The following CPLX2 variants were observed in gnomAD, a reference collection of about 807,000 sequenced individuals.
CPLX2 encodes the protein complexin 2.
A neutral mutation model predicts 16.3 loss-of-function variants in CPLX2; 5 were observed. That is an observed-to-expected ratio of 0.31 (90% confidence interval 0.16 to 0.64). CPLX2 has a LOEUF of 0.64. Ranked by LOEUF, CPLX2 falls within the 30% of genes least tolerant of loss-of-function variation. The probability of loss-of-function intolerance (pLI) is 0.79; values close to 1 mark genes in which losing one functional copy is unlikely to be tolerated. For synonymous variants in CPLX2, 89 were observed against 73.2 expected, an observed-to-expected ratio of 1.22 and a Z score of -1.10; for missense variants, 144 against 181.4, an observed-to-expected ratio of 0.79 and a Z score of 1.18.
intron 2 of CPLX2, among the ~76,000 whole-genome samples, chr5:175,836,882 G>A (rs1420318908): frequency 6.6e-6 from 1 of 152,238 alleles, no homozygotes; most frequent in Non-Finnish European, 1.5e-5. Context: ...CCACTTTACA[G>A]ATAAAGAACA....
At position 175,881,277 on chromosome 5, in the gene CPLX2, G is replaced by A. The variant is rs540849456; in HGVS notation, c.*1232G>A. ...ATATGCATATGTGTAGGGCTGGAGC[G>A]TGTGTGTGTCTTGAGATTGTGTGTG... On this transcript the variant is annotated 3_prime_UTR_variant, in exon 4 of 4. Transcript: ENST00000393745. 9.8e-5 allele frequency: 15 copies of A among 153,298 alleles called. No individual in the cohort carries two copies. Among genetic ancestry groups the A allele is most frequent in the Middle Eastern group, 6.6e-3 (2 of 302 alleles). 9.5% of individuals were successfully genotyped at this position (153,298 alleles called of 1,614,324 possible). A position where few individuals can be genotyped will look rare whatever the true frequency, so the allele number is the denominator to read the frequency against.
intron 2 of CPLX2, among the ~76,000 whole-genome samples, chr5:175,857,027 A>C (rs1759271137): frequency 6.6e-6 from 1 of 152,226 alleles, no homozygotes; most frequent in South Asian, 2.1e-4. Context: ...CTAGGGACTC[A>C]TGACAGATTC....
intron 2 of CPLX2, among the ~76,000 whole-genome samples, chr5:175,822,423 T>TA (rs1428110963): frequency 6.6e-6 from 1 of 152,304 alleles, no homozygotes; most frequent in African/African-American, 2.4e-5. Context: ...AACAGCCTCC[T>TA]AGGGCTATTG....
At chr5:175,819,022 G>A (rs948717407) in intron 2 of CPLX2, among the ~76,000 whole-genome samples, 3 of 152,050 alleles carry the variant, frequency 2.0e-5, no homozygotes, top group African/African-American at 4.8e-5. Context: ...ATGAAATCAC[G>A]CCGTGTTGGA....
At chr5:175,871,433 C>CAGAGAGAGAGAGAGAGACAG (rs1759598803), upstream of CPLX2, 1 of 27,516 alleles carries the variant, frequency 3.6e-5, no homozygotes, top group Non-Finnish European at 6.3e-5. Flanking sequence ...GAGAGAGAGA[C>CAGAGAGAGAGAGAGAGACAG]AGAGAGAGAG....
intron 2 of CPLX2, among the ~76,000 whole-genome samples, chr5:175,858,525 C>G (rs1235159939): frequency 6.6e-6 from 1 of 152,184 alleles, no homozygotes; most frequent in Admixed American, 6.5e-5. Flanking sequence ...TGGCTCAGCC[C>G]CCGGGGGCCA....
intron 1 of CPLX2, chr5:175,878,320 T>C (rs1037022641): frequency 2.1e-5 from 4 of 194,846 alleles, no homozygotes; most frequent in Non-Finnish European, 4.2e-5. Flanking sequence ...AATAAGGAAA[T>C]GACGGTGGCG....
In CPLX2 at chr5:175,799,799, T is replaced by A. The variant is rs183688095; in HGVS notation, c.-169+3015T>A. On this transcript the variant is annotated intron_variant, in intron 1 of 4. Transcript: ENST00000359546. ...CCTCTTGTCTCACCTCCCTAAATGC[T>A]GCTGGGATTAAAGGCATGAACCATC... 4.7e-3 allele frequency among the ~76,000 whole-genome samples: 714 copies of A among 151,942 alleles called. 5 individuals carry two copies. The highest frequency in any genetic ancestry group is 0.025 in the South Asian group (121 of 4,782).
At chr5:175,836,358 T>TAAAATA (rs1554119751) in intron 2 of CPLX2, among the ~76,000 whole-genome samples, 1 of 150,752 alleles carries the variant, frequency 6.6e-6, no homozygotes, top group Non-Finnish European at 1.5e-5. Context: ...TCAAAATAAA[T>TAAAATA]AAATAAAATA....
In CPLX2 at chr5:175,836,497, C is replaced by A. The variant is rs182005163; in HGVS notation, c.-89+27429C>A. Among the ~76,000 whole-genome samples, 591 of 152,312 alleles carry A rather than the reference C, an allele frequency of 3.9e-3. 4 individuals are homozygous for A. Among genetic ancestry groups the A allele is most frequent in the African/African-American group, 0.013 (543 of 41,554 alleles). On this transcript the variant is annotated intron_variant, in intron 2 of 4. Coordinates refer to the CPLX2 transcript ENST00000359546. Reference sequence around the variant, plus strand: ...CCACAGGGAGCCAGCTGCCTGCACCCCTCAGCTCTACTCTCCTGGGGTTGT... The same window carrying A: ...CCACAGGGAGCCAGCTGCCTGCACCACTCAGCTCTACTCTCCTGGGGTTGT...
chr5:175,863,947 T>C (rs1338362877), intron 2 of CPLX2, among the ~76,000 whole-genome samples: 2 of 152,214 alleles, frequency 1.3e-5, no homozygotes, highest in Non-Finnish European at 2.9e-5. Flanking sequence ...TTCTTTCTCA[T>C]TCCAACTTAA....
chr5:175,804,589 A>G (rs906725532), intron 1 of CPLX2, among the ~76,000 whole-genome samples: 1 of 152,194 alleles, frequency 6.6e-6, no homozygotes, highest in Non-Finnish European at 1.5e-5. Context: ...GCGCCTGGCT[A>G]CTCAATGTGT....
chr5:175,873,174 A>C (rs1187273925), intron 1 of CPLX2, among the ~76,000 whole-genome samples: 1 of 149,460 alleles, frequency 6.7e-6, no homozygotes, highest in African/African-American at 2.5e-5. Context: ...AGAATCGCTA[A>C]GGAGCGCCTC....
chr5:175,854,132 ACCCCTGAG>A (rs1346173620), intron 2 of CPLX2, among the ~76,000 whole-genome samples: 9 of 151,876 alleles, frequency 5.9e-5, no homozygotes, highest in Non-Finnish European at 1.3e-4. Context: ...TGTCCCCAGC[ACCCCTGAG>A]CCCCTACCCA....
At chr5:175,801,331 A>G (rs1322476388) in intron 1 of CPLX2, among the ~76,000 whole-genome samples, 2 of 152,222 alleles carry the variant, frequency 1.3e-5, no homozygotes, top group Non-Finnish European at 2.9e-5. Flanking sequence ...CAAGAACAAC[A>G]GTAGCCCACG....
chr5:175,879,590 A>G (rs767115802), intron 3 of CPLX2: 90 of 613,170 alleles, frequency 1.5e-4, no homozygotes, highest in Non-Finnish European at 2.4e-4. Flanking sequence ...ATGTGTTCAG[A>G]TCTTTGGGGG....
chr5:175,835,646 T>G (rs1758814841), intron 2 of CPLX2, among the ~76,000 whole-genome samples: 1 of 152,048 alleles, frequency 6.6e-6, no homozygotes, highest in Non-Finnish European at 1.5e-5. Flanking sequence ...AAGTTTTTGT[T>G]GAAATCAAAT....
chr5:175,804,100 A>C (rs1758152191), intron 1 of CPLX2, among the ~76,000 whole-genome samples: 1 of 152,228 alleles, frequency 6.6e-6, no homozygotes. Flanking sequence ...AATTAATGCA[A>C]AAAAACCGTG....
rs534197382 is a variant in CPLX2, at chr5:175,809,952, G to C, written c.-89+884G>C. Among the ~76,000 whole-genome samples, 60 of 152,190 alleles carry C rather than the reference G, an allele frequency of 3.9e-4. No individual in the cohort carries two copies. Among genetic ancestry groups the C allele is most frequent in the Non-Finnish European group, 7.5e-4 (51 of 68,044 alleles). ...TCGCTCGATCGCTATAGATATCGTTGCTCATCCAGATGGGAGCTATTTATG... is the reference window on the plus strand; with the variant it reads ...TCGCTCGATCGCTATAGATATCGTTCCTCATCCAGATGGGAGCTATTTATG... On this transcript the variant is annotated intron_variant, in intron 2 of 4. Coordinates refer to the CPLX2 transcript ENST00000359546. The surrounding 1 kb of genome is among the most constrained non-coding windows in gnomAD (Gnocchi z 4.4).
Sources: gnomAD v4.1 joint callset for allele counts (sites outside exome capture counted in the v4.1 genomes callset) on GRCh38, gnomAD v4.1.1 for gene constraint, Gnocchi (gnomAD v3.1) non-coding constraint, MANE v1.5 for transcripts, NCBI Gene and HGNC (gene_info 2026-07-23, HGNC 2026-07-21) for gene names.